The following DNER variants were observed in gnomAD, a reference collection of about 807,000 sequenced individuals.
DNER encodes delta/notch like EGF repeat containing.
DNER carries 33 observed loss-of-function variants against 78.2 expected under a neutral mutation model. That is an observed-to-expected ratio of 0.42 (90% CI 0.32 to 0.56). The LOEUF (loss-of-function observed/expected upper bound fraction) is 0.56. DNER is among the 20% of genes least tolerant of loss of function. DNER has a pLI of 0.11. For missense variants in DNER, 918 were observed against 975.3 expected (o/e 0.94, Z 0.78); for synonymous variants, 417 against 384.8 (o/e 1.08, Z -0.98).
chr2:229,386,721 A>T (rs1692874412), intron 11 of DNER, among the ~76,000 whole-genome samples: 1 of 152,270 alleles, frequency 6.6e-6, no homozygotes. Flanking sequence ...AAAATATGAA[A>T]AAAAAGCTCA....
At chr2:229,394,343 C>T (rs1234506759) in intron 10 of DNER, among the ~76,000 whole-genome samples, 1 of 151,770 alleles carries the variant, frequency 6.6e-6, no homozygotes, top group African/African-American at 2.4e-5. Context: ...TGGGGATCCG[C>T]CATCTTGTTT....
rs548099884 is a variant in DNER, at chr2:229,564,727, CCAT to C, written c.848-17638_848-17636del. ...CATCATCAACATCATCACCCCATCACCATCATCATCATCATCATCACCAGCAAC... is the reference window on the plus strand; with the variant it reads ...CATCATCAACATCATCACCCCATCACCATCATCATCATCATCACCAGCAAC... On this transcript the variant is annotated intron_variant, in intron 4 of 12. Coordinates refer to ENST00000341772, the MANE Select transcript of DNER (RefSeq NM_139072.4). Among the ~76,000 whole-genome samples, 1,134 of 152,002 alleles carry C rather than the reference CCAT, an allele frequency of 7.5e-3. 14 individuals are homozygous for C. Among genetic ancestry groups the C allele is most frequent in the African/African-American group, 0.026 (1,064 of 41,474 alleles).
At chr2:229,433,472 G>A (rs951043028) in intron 8 of DNER, among the ~76,000 whole-genome samples, 5 of 152,138 alleles carry the variant, frequency 3.3e-5, no homozygotes, top group African/African-American at 7.2e-5. Context: ...AACAAATGAC[G>A]TATTGGAAAA....
At chr2:229,705,541 T>C (rs1425837512) in intron 1 of DNER, among the ~76,000 whole-genome samples, 2 of 152,180 alleles carry the variant, frequency 1.3e-5, no homozygotes, top group African/African-American at 2.4e-5. Context: ...CTTTTCCCTC[T>C]GGTGCTCACT....
intron 9 of DNER, among the ~76,000 whole-genome samples, chr2:229,408,962 G>A (rs1693449164): frequency 6.6e-6 from 1 of 152,116 alleles, no homozygotes. Context: ...CCTCGTGCCT[G>A]GTGGGATACA....
At position 229,423,885 on chromosome 2, in the gene DNER, C is replaced by T. The variant is rs908077224; in HGVS notation, c.1487-5655G>A. On this transcript the variant is annotated intron_variant, in intron 8 of 12. Transcript: ENST00000341772. ...ATCACGACACTCAGCTGATTTCCAT[C>T]GTAGCATTTGTAACTGTCTGAAATC... is the stretch of plus-strand genomic sequence containing the variant. Among the ~76,000 whole-genome samples, 5 of 152,180 alleles carry T rather than the reference C, an allele frequency of 3.3e-5. No individual in the cohort carries two copies. The South Asian group carries it at 6.2e-4, about 19-fold the overall frequency.
chr2:229,628,401 C>G (rs1431613225), intron 1 of DNER, among the ~76,000 whole-genome samples: 1 of 152,146 alleles, frequency 6.6e-6, no homozygotes, highest in African/African-American at 2.4e-5. Flanking sequence ...ATGGCAGTTT[C>G]AGACAACTAA....
intron 7 of DNER, among the ~76,000 whole-genome samples, chr2:229,448,798 A>G (rs1212357975): frequency 6.6e-6 from 1 of 152,208 alleles, no homozygotes; most frequent in Non-Finnish European, 1.5e-5. Flanking sequence ...TTTTAGAAAT[A>G]AAAGTTAAAT....
chr2:229,509,582 G>GGT (rs1695821728), intron 6 of DNER, among the ~76,000 whole-genome samples: 1 of 152,214 alleles, frequency 6.6e-6, no homozygotes, highest in Non-Finnish European at 1.5e-5. Context: ...GGGAGGCCGA[G>GGT]ATGGGTAGAT....
At chr2:229,399,394 A>C (rs1357106650) in intron 10 of DNER, among the ~76,000 whole-genome samples, 2 of 151,968 alleles carry the variant, frequency 1.3e-5, no homozygotes, top group African/African-American at 2.4e-5. Flanking sequence ...AAAGAAATCA[A>C]AGATCTAAAT....
chr2:229,490,568 G>C (rs557823004), intron 6 of DNER, among the ~76,000 whole-genome samples: 2 of 152,218 alleles, frequency 1.3e-5, no homozygotes, highest in South Asian at 4.2e-4. Flanking sequence ...GTTGCCTAGA[G>C]CTGGGGGGTG....
chr2:229,593,789 A>G (rs1697654398), intron 1 of DNER, among the ~76,000 whole-genome samples: 1 of 152,266 alleles, frequency 6.6e-6, no homozygotes, highest in Non-Finnish European at 1.5e-5. Flanking sequence ...ACGTGAACAA[A>G]GGAGACATTC....
intron 5 of DNER, among the ~76,000 whole-genome samples, chr2:229,536,413 T>C (rs1380531724): frequency 1.3e-5 from 2 of 152,148 alleles, no homozygotes; most frequent in East Asian, 3.9e-4. Context: ...GAATGAATCC[T>C]CCAAGGTGAT....
chr2:229,635,501 G>A (rs576424022), intron 1 of DNER, among the ~76,000 whole-genome samples: 1 of 151,668 alleles, frequency 6.6e-6, no homozygotes, highest in South Asian at 2.1e-4. Flanking sequence ...CTTCAGTATT[G>A]ACACAAGTCT....
chr2:229,591,741 T>C lies in DNER; in HGVS notation c.424A>G (p.Thr142Ala). 6.2e-7 allele frequency: 1 copy of C among 1,614,184 alleles called. No homozygotes were observed. Among genetic ancestry groups the C allele is most frequent in the Non-Finnish European group, 8.5e-7 (1 of 1,180,022 alleles). ...GGTGCCATGGATTCGGTCCAGCCAG[T>C]GGCTGGGAGACTGGGAAGTGCCTGT... is the stretch of plus-strand genomic sequence containing the variant. ...CEQALPSLPA[T>A]GWTESMAPRQ... Residue 142 changes from threonine to alanine, a missense_variant, in exon 2 of 13, where the codon ACT becomes GCT. By Grantham distance (58) the Thr-to-Ala change is moderately conservative (BLOSUM62 0). Coordinates refer to ENST00000341772, the MANE Select transcript of DNER (RefSeq NM_139072.4). The surrounding 1 kb of genome is among the most constrained non-coding windows in gnomAD (Gnocchi z 4.6).
At chr2:229,616,903 A>G (rs188677553) in intron 1 of DNER, among the ~76,000 whole-genome samples, 178 of 152,284 alleles carry the variant, frequency 1.2e-3, no homozygotes, top group African/African-American at 4.1e-3. Flanking sequence ...GCTTATGCAG[A>G]TGGGAGGGTC....
At chr2:229,552,899 G>C (rs1447563598) in intron 4 of DNER, among the ~76,000 whole-genome samples, 1 of 152,098 alleles carries the variant, frequency 6.6e-6, no homozygotes, top group Admixed American at 6.6e-5. Flanking sequence ...CCTTTGTCTG[G>C]CCAGAGGACT....
intron 1 of DNER, among the ~76,000 whole-genome samples, chr2:229,615,592 G>T (rs911456287): frequency 6.6e-6 from 1 of 151,378 alleles, no homozygotes; most frequent in Admixed American, 6.6e-5. Context: ...GGCACCTGTA[G>T]CCCCAGCTAC....
At position 229,554,931 on chromosome 2, in the gene DNER, A is replaced by AAAAAG. The variant is rs1696827620; in HGVS notation, c.848-7840_848-7839insCTTTT. Among the ~76,000 whole-genome samples the AAAAAG allele has an allele frequency of 4.6e-4, 22 of 47,662 alleles. 2 individuals carry two copies. The highest frequency in any genetic ancestry group is 1.1e-3 in the Admixed American group (4 of 3,666). The allele number at this position is 47,662 out of a possible 152,430, so 31.3% of individuals were successfully genotyped here. ...AGAAGAGAAGAGAAGAGAAGAGAAGAGAAGAGAGAAAAGGGAAGGGAAGGG... is the reference window on the plus strand; with the variant it reads ...AGAAGAGAAGAGAAGAGAAGAGAAGAAAAAGGAAGAGAGAAAAGGGAAGGGAAGGG... On this transcript the variant is annotated intron_variant, in intron 4 of 12. Coordinates refer to ENST00000341772, the MANE Select transcript of DNER (RefSeq NM_139072.4).
Sources: allele counts gnomAD v4.1 joint callset (sites outside exome capture counted in the v4.1 genomes callset), GRCh38; gene constraint gnomAD v4.1.1; non-coding constraint Gnocchi (gnomAD v3.1); transcripts MANE v1.5; gene names NCBI Gene and HGNC (gene_info 2026-07-23, HGNC 2026-07-21).